Variants in KDM2B observed in about 807,000 individuals in gnomAD.
The protein encoded by KDM2B is lysine-specific demethylase 2B.
Under a neutral mutation model 150.0 loss-of-function variants are expected in KDM2B, and 26 were observed. The observed-to-expected ratio is 0.17, with a 90% CI of 0.13 to 0.24. The LOEUF is 0.24. Ranked by LOEUF, KDM2B falls within the 10% of genes least tolerant of loss-of-function variation. The pLI is 1.00. For missense variants in KDM2B, 1,265 were observed against 1,816.9 expected, an observed-to-expected ratio of 0.70 and a Z score of 5.52; for synonymous variants, 734 against 729.5, an observed-to-expected ratio of 1.01 and a Z score of -0.10.
intron 8 of KDM2B, among the ~76,000 whole-genome samples, chr12:121,523,396 C>G (rs1886860960): frequency 6.6e-6 from 1 of 152,226 alleles, no homozygotes; most frequent in Non-Finnish European, 1.5e-5. Flanking sequence ...TGGCGGTGCC[C>G]CAAGACCCTG....
chr12:121,417,027 T>G, the KDM2B span, among the ~76,000 whole-genome samples: 1 of 152,248 alleles, frequency 6.6e-6, no homozygotes, highest in Non-Finnish European at 1.5e-5. This position sits in a 1 kb window ranked among gnomAD's most constrained non-coding sequence, Gnocchi z 5.0. Flanking sequence ...CTGTGTAGTT[T>G]ACAGATTACT....
In KDM2B at chr12:121,468,403, T is replaced by A. The variant is rs574225400; in HGVS notation, c.1735-15059A>T. ...TGAGCTAGAACGACCAAAGCTGTTA[T>A]AAGCATCAAAACCAAAGCTAAACAC... On this transcript the variant is annotated intron_variant, in intron 12 of 22. Coordinates refer to ENST00000377071, the MANE Select transcript of KDM2B (RefSeq NM_032590.5). This position sits in a 1 kb window ranked among gnomAD's most constrained non-coding sequence, Gnocchi z 4.0. The A allele has an allele frequency of 2.0e-5, 3 of 152,222 alleles. No homozygotes were observed. The South Asian group carries it at 6.2e-4, about 32-fold the overall frequency. 9.4% of individuals were successfully genotyped at this position (152,222 alleles called of 1,614,324 possible).
chr12:121,532,156 C>G (rs1887710169), intron 8 of KDM2B, among the ~76,000 whole-genome samples: 1 of 130,650 alleles, frequency 7.7e-6, no homozygotes, highest in South Asian at 2.4e-4. Flanking sequence ...CTATGTGTGG[C>G]CTGACCCCCT....
the KDM2B span, among the ~76,000 whole-genome samples, chr12:121,421,371 T>TACAAA: frequency 3.9e-3 from 181 of 46,358 alleles, 20 homozygotes; most frequent in African/African-American, 0.011. Context: ...ATCCCATCTC[T>TACAAA]AAAAAAAAAA....
chr12:121,425,583 GTT>G (rs35424059), downstream of KDM2B, among the ~76,000 whole-genome samples: 47,101 of 151,886 alleles, frequency 0.31, 8,810 homozygotes, highest in East Asian at 0.43. Context: ...TGGGCAGAAA[GTT>G]TGTGTGGCTA....
At chr12:121,461,777 T>C (rs1421367993) in intron 12 of KDM2B, among the ~76,000 whole-genome samples, 1 of 152,110 alleles carries the variant, frequency 6.6e-6, no homozygotes, top group Admixed American at 6.6e-5. Flanking sequence ...CGACACTGCA[T>C]AGGTGCTCAA....
In KDM2B at chr12:121,467,337, C is replaced by G. The variant is rs1880175259; in HGVS notation, c.1735-13993G>C. 5 of 981,656 alleles carry G rather than the reference C, an allele frequency of 5.1e-6. No individual in the cohort carries two copies. Among genetic ancestry groups the G allele is most frequent in the Non-Finnish European group, 6.0e-6 (5 of 828,426 alleles). The allele number at this position is 981,656 out of a possible 1,614,324, so 60.8% of individuals were successfully genotyped here. A position where few individuals can be genotyped will look rare whatever the true frequency, so the allele number is the denominator to read the frequency against. On this transcript the variant is annotated intron_variant, in intron 12 of 22. Coordinates refer to ENST00000377071, the MANE Select transcript of KDM2B (RefSeq NM_032590.5). This position sits in a 1 kb window ranked among gnomAD's most constrained non-coding sequence, Gnocchi z 5.1. ...GGGCTCGGGCTCGGGCTCCCGCTGC[C>G]GCGAGGAGGGAGCCGCGCCGCGCGC...
rs371550364 is a variant in KDM2B, at chr12:121,446,257, G to C, written c.1960-839C>G. On this transcript the variant is annotated intron_variant, in intron 13 of 22. Transcript: ENST00000377071. ...AAAAATACAAAAAGAAATTAGCCGGGCGTGGTGGCGGGCGCCTGTAGTCCC... is the reference window on the plus strand; with the variant it reads ...AAAAATACAAAAAGAAATTAGCCGGCCGTGGTGGCGGGCGCCTGTAGTCCC... Among the ~76,000 whole-genome samples the C allele has an allele frequency of 7.2e-5, 11 of 152,308 alleles. No individual in the cohort carries two copies. In the East Asian group the frequency reaches 1.4e-3, roughly 19 times the overall value.
the KDM2B span, chr12:121,418,254 C>T: frequency 5.8e-5 from 12 of 205,822 alleles, no homozygotes; most frequent in East Asian, 2.4e-4. Context: ...TGTTAGTGCA[C>T]GTGTTTCAGT....
intron 6 of KDM2B, among the ~76,000 whole-genome samples, chr12:121,543,334 C>T (rs200816991): frequency 1.3e-5 from 2 of 151,996 alleles, no homozygotes; most frequent in African/African-American, 4.8e-5. Context: ...CCAGCCTGGG[C>T]GACAGAGTGA....
chr12:121,536,108 GCC>G, intron 6 of KDM2B: 1 of 985,714 alleles, frequency 1.0e-6, no homozygotes, highest in Non-Finnish European at 1.2e-6. Flanking sequence ...CCAGCAGCGC[GCC>G]GGCACGAGTG....
rs1555304434 is a variant in KDM2B, at chr12:121,513,686, C to G, written c.1048-284G>C. 6.6e-6 allele frequency among the ~76,000 whole-genome samples: 1 copy of G among 152,112 alleles called. No homozygotes were observed. Among genetic ancestry groups the G allele is most frequent in the East Asian group, 1.9e-4 (1 of 5,180 alleles). On this transcript the variant is annotated intron_variant, in intron 9 of 22. Transcript: ENST00000377071. This position sits in a 1 kb window ranked among gnomAD's most constrained non-coding sequence, Gnocchi z 5.0. ...GGCCACTTGATGCTCCCGTGAGATG[C>G]AGAAAAACAGAATTCTCCCCTGACC...
At chr12:121,542,491 G>A (rs530320891) in intron 6 of KDM2B, among the ~76,000 whole-genome samples, 6 of 152,362 alleles carry the variant, frequency 3.9e-5, no homozygotes, top group African/African-American at 1.4e-4. Context: ...GAACCACCCA[G>A]CTCAGTTGTT....
At chr12:121,541,193 T>C (rs1020594401) in intron 6 of KDM2B, among the ~76,000 whole-genome samples, 2 of 150,852 alleles carry the variant, frequency 1.3e-5, no homozygotes, top group Admixed American at 6.6e-5. Flanking sequence ...GCTCGCACCA[T>C]TGCACTCCAG....
intron 4 of KDM2B, among the ~76,000 whole-genome samples, chr12:121,553,258 G>A (rs1330931242): frequency 5.3e-5 from 8 of 150,668 alleles, no homozygotes; most frequent in East Asian, 1.9e-4. Context: ...AAAGAACCCC[G>A]GTACCCTCCC....
At chr12:121,436,147 C>G (rs1174417742) in intron 22 of KDM2B, among the ~76,000 whole-genome samples, 14 of 152,180 alleles carry the variant, frequency 9.2e-5, no homozygotes, top group African/African-American at 3.4e-4. Flanking sequence ...TATGAAAATG[C>G]CAACATTTGA....
At chr12:121,417,978 CT>C in the KDM2B span, 1 of 1,485,370 alleles carries the variant, frequency 6.7e-7, no homozygotes. The surrounding 1 kb of genome is among the most constrained non-coding windows in gnomAD (Gnocchi z 5.0). Flanking sequence ...ATGGTGGGGC[CT>C]TTAGTGCTTG....
Position 121,442,138 on chromosome 12 carries a change from TA to T in KDM2B, c.3284+18del. ...CCGCCTGAGCCTTAACCTAGAGCCC[TA>T]CACAGGCCGCCGCTCACCAGCGGTT... On this transcript the variant is annotated intron_variant, in intron 19 of 22. Transcript: ENST00000377071. This position sits in a 1 kb window ranked among gnomAD's most constrained non-coding sequence, Gnocchi z 7.7. 1 of 1,611,124 alleles carries T rather than the reference TA, an allele frequency of 6.2e-7. No individual in the cohort carries two copies. The highest frequency in any genetic ancestry group is 8.5e-7 in the Non-Finnish European group (1 of 1,178,052).
At chr12:121,532,769 G>C in intron 8 of KDM2B, 37 bp downstream of exon 8, 1 of 1,609,300 alleles carries the variant, frequency 6.2e-7, no homozygotes, top group African/African-American at 1.3e-5. Context: ...GGCCGCAGGA[G>C]ACTCGAGGAG....
Sources: gnomAD v4.1 joint callset for allele counts (sites outside exome capture counted in the v4.1 genomes callset) on GRCh38, gnomAD v4.1.1 for gene constraint, Gnocchi (gnomAD v3.1) non-coding constraint, MANE v1.5 for transcripts, NCBI Gene and HGNC (gene_info 2026-07-23, HGNC 2026-07-21) for gene names.